ADGRB3: variants seen among roughly 807,000 people sequenced by gnomAD.
ADGRB3 encodes adhesion G protein-coupled receptor B3.
In ADGRB3, 37 loss-of-function variants were observed where a neutral mutation model predicts 193.4. The observed-to-expected ratio is 0.19, with a 90% CI of 0.15 to 0.25. The LOEUF (loss-of-function observed/expected upper bound fraction) is 0.25. Among genes scored for constraint, ADGRB3 ranks in the 10% least tolerant of loss-of-function variants. The probability of loss-of-function intolerance (pLI) is 1.00; values close to 1 mark genes in which losing one functional copy is unlikely to be tolerated. For missense variants in ADGRB3, 1,637 were observed against 1,852.9 expected, an observed-to-expected ratio of 0.88 and a Z score of 2.14; for synonymous variants, 690 against 644.2, an observed-to-expected ratio of 1.07 and a Z score of -1.08.
At chr6:69,029,281 A>G (rs1770540975) in intron 13 of ADGRB3, among the ~76,000 whole-genome samples, 2 of 152,082 alleles carry the variant, frequency 1.3e-5, no homozygotes, top group Admixed American at 6.6e-5. Context: ...TTATTTGAAA[A>G]TTTGAAACTT....
chr6:69,217,172 A>T (rs1191676986), intron 17 of ADGRB3, among the ~76,000 whole-genome samples: 1 of 152,144 alleles, frequency 6.6e-6, no homozygotes, highest in Non-Finnish European at 1.5e-5. Context: ...CTCACCCAAA[A>T]GAGTCGTAAA....
At chr6:69,381,919 T>C (rs961765463) in intron 30 of ADGRB3, among the ~76,000 whole-genome samples, 3 of 151,924 alleles carry the variant, frequency 2.0e-5, no homozygotes, top group African/African-American at 7.2e-5. Flanking sequence ...TTTTAACTTT[T>C]AAAAATCAAA....
At chr6:68,772,734 C>G (rs1352398643) in intron 3 of ADGRB3, among the ~76,000 whole-genome samples, 1 of 150,784 alleles carries the variant, frequency 6.6e-6, no homozygotes, top group Non-Finnish European at 1.5e-5. Flanking sequence ...AACAAACAAA[C>G]AGGCCAGGTG....
intron 6 of ADGRB3, among the ~76,000 whole-genome samples, chr6:68,950,736 A>G (rs997410724): frequency 6.6e-6 from 1 of 152,142 alleles, no homozygotes; most frequent in Non-Finnish European, 1.5e-5. Flanking sequence ...TTGTAAATTC[A>G]TCCATGTTTT....
At chr6:69,087,264 A>G (rs1280468842) in intron 17 of ADGRB3, among the ~76,000 whole-genome samples, 3 of 152,206 alleles carry the variant, frequency 2.0e-5, no homozygotes, top group Non-Finnish European at 4.4e-5. Flanking sequence ...TTACTGTTCT[A>G]AATTCATTAC....
intron 17 of ADGRB3, among the ~76,000 whole-genome samples, chr6:69,212,006 T>A (rs1181216116): frequency 6.6e-6 from 1 of 152,198 alleles, no homozygotes; most frequent in Non-Finnish European, 1.5e-5. Flanking sequence ...GTTATTTGAT[T>A]TAGCAGACTG....
chr6:69,035,815 G>T (rs1466087444), intron 13 of ADGRB3, among the ~76,000 whole-genome samples: 1 of 152,248 alleles, frequency 6.6e-6, no homozygotes, highest in Non-Finnish European at 1.5e-5. Flanking sequence ...GTACAATGAT[G>T]AATTGGATTC....
intron 3 of ADGRB3, among the ~76,000 whole-genome samples, chr6:68,762,384 T>A (rs772958064): frequency 6.6e-6 from 1 of 152,114 alleles, no homozygotes; most frequent in Non-Finnish European, 1.5e-5. Flanking sequence ...AGCAATTTGA[T>A]TGACTAAGAG....
chr6:68,797,775 A>C (rs1767239132), intron 3 of ADGRB3, among the ~76,000 whole-genome samples: 1 of 151,660 alleles, frequency 6.6e-6, no homozygotes, highest in Non-Finnish European at 1.5e-5. Flanking sequence ...TCAGATTTTT[A>C]TTTTTCTTTT....
At chr6:69,191,511 A>T (rs963135967) in intron 17 of ADGRB3, among the ~76,000 whole-genome samples, 13 of 152,222 alleles carry the variant, frequency 8.5e-5, no homozygotes, top group Non-Finnish European at 2.9e-5. Context: ...ATTCACAATT[A>T]TAATTGTATT....
intron 17 of ADGRB3, among the ~76,000 whole-genome samples, chr6:69,177,945 A>G (rs1426751845): frequency 6.6e-6 from 1 of 152,156 alleles, no homozygotes; most frequent in Non-Finnish European, 1.5e-5. Context: ...ATAGATATCT[A>G]TTAGCTCCAA....
At chr6:69,343,284 C>T (rs1769019407) in intron 26 of ADGRB3, among the ~76,000 whole-genome samples, 1 of 151,072 alleles carries the variant, frequency 6.6e-6, no homozygotes, top group Admixed American at 6.6e-5. Flanking sequence ...GCTGCACCCA[C>T]TAACTCGTCA....
At chr6:68,720,443 A>G (rs1765557026) in intron 3 of ADGRB3, among the ~76,000 whole-genome samples, 4 of 151,762 alleles carry the variant, frequency 2.6e-5, no homozygotes, top group African/African-American at 9.7e-5. Context: ...TTCGAGTTCA[A>G]TAAAAATGTT....
intron 17 of ADGRB3, among the ~76,000 whole-genome samples, chr6:69,172,014 C>T (rs992874091): frequency 2.0e-5 from 3 of 152,094 alleles, no homozygotes; most frequent in African/African-American, 7.2e-5. Flanking sequence ...GGTACCTCAG[C>T]GCTGGTGCAA....
At chr6:69,058,583 T>C (rs1027120381) in intron 15 of ADGRB3, among the ~76,000 whole-genome samples, 2 of 152,138 alleles carry the variant, frequency 1.3e-5, no homozygotes, top group African/African-American at 2.4e-5. Context: ...TGTTTACTGC[T>C]ATAAACTTCC....
intron 3 of ADGRB3, among the ~76,000 whole-genome samples, chr6:68,711,268 C>G (rs761724353): frequency 2.0e-4 from 31 of 152,026 alleles, no homozygotes; most frequent in Non-Finnish European, 2.4e-4. Flanking sequence ...ATAAAATTGT[C>G]TTGAATTCCT....
chr6:68,865,178 C>T (rs931228059), intron 3 of ADGRB3, among the ~76,000 whole-genome samples: 2 of 152,042 alleles, frequency 1.3e-5, no homozygotes, highest in Admixed American at 6.6e-5. Flanking sequence ...TGAGGAGTTT[C>T]AAAACATATT....
intron 20 of ADGRB3, among the ~76,000 whole-genome samples, chr6:69,247,704 GTCTC>G (rs1766528184): frequency 6.6e-6 from 1 of 152,144 alleles, no homozygotes; most frequent in African/African-American, 2.4e-5. Context: ...AGGGTAGTAT[GTCTC>G]TCTTTTTACT....
intron 3 of ADGRB3, among the ~76,000 whole-genome samples, chr6:68,858,445 A>C (rs1454805595): frequency 2.0e-5 from 3 of 148,038 alleles, no homozygotes; most frequent in Non-Finnish European, 3.0e-5. Context: ...TGGAGGTTGC[A>C]GTGAGCTGAG....
Sources: allele counts gnomAD v4.1 joint callset (sites outside exome capture counted in the v4.1 genomes callset), GRCh38; gene constraint gnomAD v4.1.1; transcripts MANE v1.5; gene names NCBI Gene and HGNC (gene_info 2026-07-23, HGNC 2026-07-21).